Variants in AKAP6 observed in about 807,000 individuals in gnomAD.
AKAP6 encodes A-kinase anchoring protein 6.
Under a neutral mutation model 188.5 loss-of-function variants are expected in AKAP6, and 58 were observed. The observed-to-expected ratio is 0.31, with a 90% CI of 0.25 to 0.38. The LOEUF (loss-of-function observed/expected upper bound fraction) is 0.38, where lower values mean the gene tolerates loss of function less well. Ranked by LOEUF, AKAP6 falls within the 10% of genes least tolerant of loss-of-function variation. AKAP6 has a pLI of 1.00. For synonymous variants in AKAP6, 989 were observed against 998.6 expected, an observed-to-expected ratio of 0.99 and a Z score of 0.18; for missense variants, 2,710 against 2,740.0, an observed-to-expected ratio of 0.99 and a Z score of 0.24.
intron 12 of AKAP6, among the ~76,000 whole-genome samples, chr14:32,810,254 G>GT (rs11298100): frequency 0.012 from 1,791 of 147,816 alleles, 32 homozygotes; most frequent in East Asian, 0.039. Context: ...CCTAATGCTC[G>GT]TTTTTTTTTT....
chr14:32,403,629 A>C lies in AKAP6; in HGVS notation c.-34-29831A>C, dbSNP rs1000433900. Among the ~76,000 whole-genome samples the C allele has an allele frequency of 1.8e-4, 28 of 152,210 alleles. 1 individual carries two copies. The highest frequency in any genetic ancestry group is 4.0e-4 in the Non-Finnish European group (27 of 68,036). ...AAACCTTCCCAGTCTCAGTTTCTTC[A>C]TCTGTAAGATGGGAATAGTTATAGT... On this transcript the variant is annotated intron_variant, in intron 1 of 13. Transcript: ENST00000280979.
intron 12 of AKAP6, among the ~76,000 whole-genome samples, chr14:32,812,892 C>G (rs1235001815): frequency 6.6e-6 from 1 of 152,200 alleles, no homozygotes; most frequent in African/African-American, 2.4e-5. Flanking sequence ...AAAAGTTTCT[C>G]TGCACACACT....
intron 2 of AKAP6, among the ~76,000 whole-genome samples, chr14:32,483,603 G>A (rs1272044113): frequency 1.3e-5 from 2 of 152,104 alleles, no homozygotes; most frequent in African/African-American, 4.8e-5. Context: ...TCCTGCCTCA[G>A]CCTCCTGAGT....
chr14:32,732,917 C>G (rs2031250128), intron 10 of AKAP6: 1 of 506,648 alleles, frequency 2.0e-6, no homozygotes, highest in Non-Finnish European at 3.5e-6. Context: ...TATATACTGA[C>G]TGTCATGCTT....
chr14:32,358,508 T>G (rs957600928), intron 1 of AKAP6, among the ~76,000 whole-genome samples: 1 of 152,082 alleles, frequency 6.6e-6, no homozygotes, highest in Non-Finnish European at 1.5e-5. Flanking sequence ...CCAGTTTGGT[T>G]TCTGACCTGT....
chr14:32,665,625 G>A (rs563188966), intron 7 of AKAP6, among the ~76,000 whole-genome samples: 1 of 152,142 alleles, frequency 6.6e-6, no homozygotes, highest in East Asian at 1.9e-4. Flanking sequence ...GTATAGGGTG[G>A]GACCCTCTCA....
At chr14:32,649,681 G>C (rs1295136369) in intron 7 of AKAP6, among the ~76,000 whole-genome samples, 2 of 152,006 alleles carry the variant, frequency 1.3e-5, no homozygotes, top group Admixed American at 1.3e-4. Context: ...GTAAATTTAG[G>C]ATGCAAACAT....
intron 7 of AKAP6, among the ~76,000 whole-genome samples, chr14:32,634,955 T>C (rs190566247): frequency 1.2e-3 from 189 of 152,090 alleles, no homozygotes; most frequent in African/African-American, 4.3e-3. Context: ...CATGAGTAAG[T>C]TCTTTAGCGG....
intron 4 of AKAP6, among the ~76,000 whole-genome samples, chr14:32,549,241 G>A (rs1883343983): frequency 6.6e-6 from 1 of 152,116 alleles, no homozygotes; most frequent in African/African-American, 2.4e-5. Context: ...CCATGAGGAA[G>A]TGATCAATAA....
intron 3 of AKAP6, 21 bp downstream of exon 3, chr14:32,535,826 T>C (rs368740363): frequency 1.3e-6 from 2 of 1,596,246 alleles, no homozygotes; most frequent in African/African-American, 2.7e-5. Flanking sequence ...TCCTTGAAGT[T>C]AAGCAATGCA....
chr14:32,454,716 CTTCT>C (rs1189911460), intron 2 of AKAP6, among the ~76,000 whole-genome samples: 21 of 37,620 alleles, frequency 5.6e-4, no homozygotes, highest in East Asian at 1.1e-3. Flanking sequence ...TCCTTCCCTC[CTTCT>C]CTCCTTCCCT....
At chr14:32,486,915 C>A (rs1396573473) in intron 2 of AKAP6, among the ~76,000 whole-genome samples, 1 of 152,190 alleles carries the variant, frequency 6.6e-6, no homozygotes, top group Non-Finnish European at 1.5e-5. Context: ...GGGAATGCTT[C>A]CAGCTTTTGC....
chr14:32,536,042 A>C (rs961717638), intron 3 of AKAP6, among the ~76,000 whole-genome samples: 2 of 152,260 alleles, frequency 1.3e-5, no homozygotes, highest in Non-Finnish European at 2.9e-5. Context: ...TATTGATGCT[A>C]ACCTGGCTTC....
chr14:32,359,700 C>A (rs1887597987), intron 1 of AKAP6, among the ~76,000 whole-genome samples: 3 of 151,904 alleles, frequency 2.0e-5, no homozygotes, highest in Non-Finnish European at 4.4e-5. Context: ...CTTTTATGAC[C>A]TTCACACTTT....
chr14:32,750,469 C>T (rs2139901758), intron 11 of AKAP6, among the ~76,000 whole-genome samples: 1 of 152,038 alleles, frequency 6.6e-6, no homozygotes, highest in African/African-American at 2.4e-5. Context: ...TTCTTGTAAT[C>T]ATAGCACTTT....
At chr14:32,504,705 C>CT in intron 2 of AKAP6, among the ~76,000 whole-genome samples, 1 of 152,238 alleles carries the variant, frequency 6.6e-6, no homozygotes, top group East Asian at 1.9e-4. Flanking sequence ...GTAGGCTTAC[C>CT]TTTTTCTTCC....
chr14:32,630,552 A>G (rs1294419970), intron 7 of AKAP6, among the ~76,000 whole-genome samples: 4 of 152,062 alleles, frequency 2.6e-5, no homozygotes, highest in Non-Finnish European at 5.9e-5. Context: ...CCAGAGAGAA[A>G]AAATTCCTAT....
In AKAP6 at chr14:32,361,050, G is replaced by T. The variant is rs200597982; in HGVS notation, c.-35+31642G>T. Among the ~76,000 whole-genome samples, 415 of 115,680 alleles carry T rather than the reference G, an allele frequency of 3.6e-3. 51 individuals carry two copies. In the East Asian group the frequency reaches 0.13, roughly 36 times the overall value. The allele number at this position is 115,680 out of a possible 152,430, so 75.9% of individuals were successfully genotyped here. ...AGGTGTGAGCCACTGCACAAGGCCT[G>T]AACATACATATATATATATATTTGA... On this transcript the variant is annotated intron_variant, in intron 1 of 13. Coordinates refer to ENST00000280979, the MANE Select transcript of AKAP6 (RefSeq NM_004274.5).
At chr14:32,415,676 C>A (rs993020886) in intron 1 of AKAP6, among the ~76,000 whole-genome samples, 3 of 152,108 alleles carry the variant, frequency 2.0e-5, no homozygotes, top group Non-Finnish European at 2.9e-5. Flanking sequence ...TACCATTAAA[C>A]AATAACTCCC....
Sources: allele counts gnomAD v4.1 joint callset (sites outside exome capture counted in the v4.1 genomes callset), GRCh38; gene constraint gnomAD v4.1.1; transcripts MANE v1.5; gene names NCBI Gene and HGNC (gene_info 2026-07-23, HGNC 2026-07-21).